The following SYBU variants were observed in gnomAD, a reference collection of about 807,000 sequenced individuals.
SYBU encodes the protein GOLSYN A protein.
Under a neutral mutation model 35.9 loss-of-function variants are expected in SYBU, and 21 were observed. That is an observed-to-expected ratio of 0.58 (90% CI 0.41 to 0.84). The LOEUF (loss-of-function observed/expected upper bound fraction) is 0.84, where lower values mean the gene tolerates loss of function less well. Ranked by LOEUF, SYBU falls within the 40% of genes least tolerant of loss-of-function variation. The pLI, the probability that SYBU is intolerant of heterozygous loss-of-function variation, is 0.00. For missense variants in SYBU, 768 were observed against 848.2 expected (o/e 0.91, Z 1.17); for synonymous variants, 319 against 324.3 (o/e 0.98, Z 0.18).
At chr8:109,665,999 T>G (rs568075559) in intron 1 of SYBU, among the ~76,000 whole-genome samples, 37 of 152,326 alleles carry the variant, frequency 2.4e-4, no homozygotes, top group Admixed American at 4.6e-4. Flanking sequence ...CAACTTTTCT[T>G]TACTGAGAGC....
In SYBU at chr8:109,674,831, G is replaced by A. The variant is rs563750228; in HGVS notation, c.-129+5880C>T. ...ACAGAACTCTCTACACCAAGTCAAC[G>A]GAATATACATTCTTCTCAGCACCAT... On this transcript the variant is annotated intron_variant, in intron 1 of 5. Transcript: ENST00000408889. Among the ~76,000 whole-genome samples the A allele has an allele frequency of 4.6e-5, 7 of 152,092 alleles. No homozygotes were observed. The East Asian group carries it at 5.8e-4, about 13-fold the overall frequency.
intron 6 of SYBU, among the ~76,000 whole-genome samples, 161 bp downstream of exon 6, chr8:109,577,707 G>A (rs551504005): frequency 1.3e-5 from 2 of 152,248 alleles, no homozygotes; most frequent in South Asian, 4.2e-4. Context: ...ATATCACACA[G>A]AGTTATGAAA....
At chr8:109,578,165 G>A in intron 5 of SYBU, 148 bp from the exon 6 acceptor site, 1 of 884,644 alleles carries the variant, frequency 1.1e-6, no homozygotes, top group Non-Finnish European at 1.7e-6. Flanking sequence ...GGTATTAGGT[G>A]GTGACGACTT....
At chr8:109,663,782 G>T (rs1816659530) in intron 1 of SYBU, among the ~76,000 whole-genome samples, 1 of 151,702 alleles carries the variant, frequency 6.6e-6, no homozygotes, top group Non-Finnish European at 1.5e-5. Context: ...ACATGCCAGT[G>T]GTATTTTTTG....
At chr8:109,592,012 T>C (rs2129854460) in intron 3 of SYBU, among the ~76,000 whole-genome samples, 1 of 152,144 alleles carries the variant, frequency 6.6e-6, no homozygotes, top group South Asian at 2.1e-4. Context: ...AGGTTATTAA[T>C]ATTAAGAATT....
rs1032241151 is a variant in SYBU at position 109,689,185 on chromosome 8, A to G, written c.-58+2148T>C. Among the ~76,000 whole-genome samples the G allele has an allele frequency of 2.7e-4, 41 of 152,326 alleles. 1 individual carries two copies. The highest frequency in any genetic ancestry group is 3.4e-3 in the Middle Eastern group (1 of 294). Reference sequence around the variant, plus strand: ...TATAGACTCACAGGAAGTTGTAAAGATAGTACAGAGAGATCCCATGTACCC... The same window carrying G: ...TATAGACTCACAGGAAGTTGTAAAGGTAGTACAGAGAGATCCCATGTACCC... On this transcript the variant is annotated intron_variant, in intron 1 of 7. Coordinates refer to the SYBU transcript ENST00000422135.
intron 1 of SYBU, among the ~76,000 whole-genome samples, chr8:109,671,801 G>A (rs1816990220): frequency 6.6e-6 from 1 of 152,060 alleles, no homozygotes; most frequent in Non-Finnish European, 1.5e-5. Flanking sequence ...TAAATATTTA[G>A]TTATAAAAAT....
chr8:109,612,530 CTATGGAGACACTGT>C (rs58777331), intron 3 of SYBU, among the ~76,000 whole-genome samples: 46,283 of 152,076 alleles, frequency 0.3, 7,909 homozygotes, highest in African/African-American at 0.45. Flanking sequence ...TTTTTCCACT[CTATGGAGACACTGT>C]TAAAATGCTT....
chr8:109,599,233 G>C, intron 3 of SYBU, among the ~76,000 whole-genome samples: 1 of 152,322 alleles, frequency 6.6e-6, no homozygotes, highest in East Asian at 1.9e-4. Context: ...AAACCCTGGG[G>C]CTGTGTCATT....
At chr8:109,653,930 G>A (rs1034703207) in intron 1 of SYBU, among the ~76,000 whole-genome samples, 4 of 151,980 alleles carry the variant, frequency 2.6e-5, no homozygotes, top group Non-Finnish European at 5.9e-5. Flanking sequence ...CATCTCTTAA[G>A]GCATATTATC....
intron 1 of SYBU, among the ~76,000 whole-genome samples, chr8:109,671,497 C>A (rs1364504896): frequency 2.0e-5 from 3 of 152,164 alleles, no homozygotes; most frequent in Non-Finnish European, 2.9e-5. Flanking sequence ...TATAGTAATG[C>A]TCTTGTGGGT....
intron 2 of SYBU, among the ~76,000 whole-genome samples, chr8:109,620,132 G>T (rs1812259077): frequency 6.6e-6 from 1 of 152,144 alleles, no homozygotes; most frequent in Non-Finnish European, 1.5e-5. Flanking sequence ...ATATTTTGAT[G>T]AGCAGAACTG....
At chr8:109,586,397 G>C (rs1823627398) in intron 3 of SYBU, 1 of 508,540 alleles carries the variant, frequency 2.0e-6, no homozygotes, top group Non-Finnish European at 3.5e-6. Flanking sequence ...GTTTCATAAA[G>C]AGGCCAGTCT....
At chr8:109,607,946 A>G (rs1826240241) in intron 3 of SYBU, 4 of 1,535,024 alleles carry the variant, frequency 2.6e-6, no homozygotes, top group Non-Finnish European at 3.5e-6. Flanking sequence ...CATGGCAAAC[A>G]TTGCCTCTGC....
At chr8:109,579,341 C>T (rs538533172) in intron 5 of SYBU, among the ~76,000 whole-genome samples, 5 of 152,192 alleles carry the variant, frequency 3.3e-5, no homozygotes, top group East Asian at 1.9e-4. Context: ...CACCCCTGAT[C>T]GCTCCAGACT....
At chr8:109,604,209 T>TA (rs147632519) in intron 3 of SYBU, among the ~76,000 whole-genome samples, 18,667 of 151,400 alleles carry the variant, frequency 0.12, 1,275 homozygotes, top group South Asian at 0.28. Flanking sequence ...CAATAGAATT[T>TA]AAAAAAAAAC....
chr8:109,587,745 C>G (rs994464390), intron 3 of SYBU, among the ~76,000 whole-genome samples: 1 of 152,160 alleles, frequency 6.6e-6, no homozygotes, highest in Non-Finnish European at 1.5e-5. Context: ...AAGTCCAGGT[C>G]TCTAGGAAAG....
chr8:109,609,380 T>C (rs990864392), intron 3 of SYBU, among the ~76,000 whole-genome samples: 4 of 152,224 alleles, frequency 2.6e-5, no homozygotes, highest in African/African-American at 9.7e-5. Context: ...ATTCCTATGG[T>C]ATGACTCCTT....
rs1230890277 is a variant in SYBU, at chr8:109,634,841, ATTTCT to A, written c.229+7882_229+7886del. On this transcript the variant is annotated intron_variant, in intron 2 of 6. Transcript: ENST00000276646. ...CTTATTTGTAGTCACATCCAGTCTTATTTCTTTTCTTCTAATTTATGTATCTTTTT... is the reference window on the plus strand; with the variant it reads ...CTTATTTGTAGTCACATCCAGTCTTATTTCTTCTAATTTATGTATCTTTTT... Among the ~76,000 whole-genome samples the A allele has an allele frequency of 8.5e-5, 13 of 152,148 alleles. No homozygotes were observed. In the East Asian group the frequency reaches 2.5e-3, roughly 29 times the overall value.
Sources: gnomAD v4.1 joint callset for allele counts (sites outside exome capture counted in the v4.1 genomes callset) on GRCh38, gnomAD v4.1.1 for gene constraint, MANE v1.5 for transcripts, NCBI Gene and HGNC (gene_info 2026-07-23, HGNC 2026-07-21) for gene names.